TAF4: variants seen among roughly 807,000 people sequenced by gnomAD.
TAF4 encodes transcription initiation factor TFIID subunit 4.
A neutral mutation model predicts 90.3 loss-of-function variants in TAF4; 9 were observed. The ratio of observed to expected loss-of-function variants is 0.10; its 90% confidence interval spans 0.06 to 0.17. The LOEUF is 0.17. TAF4 is among the 10% of genes least tolerant of loss of function. TAF4 has a pLI of 1.00. For synonymous variants in TAF4, 818 were observed against 638.9 expected (o/e 1.28, Z -4.23); for missense variants, 1,351 against 1,370.7 (o/e 0.99, Z 0.23).
Position 62,064,813 on chromosome 20 carries a change from G to A in TAF4, c.998C>T (p.Ala333Val). Residue 333 changes from alanine to valine, a missense_variant, in exon 1 of 15, where the codon GCG becomes GTG. Physicochemically the swap from Ala to Val is moderately conservative, Grantham distance 64. Around this residue, in one of 9 missense-constraint regions of TAF4, gnomAD observed 782 missense variants for 536.6 expected, o/e 1.46. Transcript: ENST00000252996. Reference sequence around the variant, plus strand: ...CCCCGGCGCCGGCGCCGCAGCCGCCGCGCCGGGCCCGGGTTGGCCGCTGAC... The same window carrying A: ...CCCCGGCGCCGGCGCCGCAGCCGCCACGCCGGGCCCGGGTTGGCCGCTGAC... ...AGVSGQPGPG[A>V]AAAAPAPGVK... 3.0e-6 allele frequency: 3 copies of A among 987,184 alleles called. No individual in the cohort carries two copies. The highest frequency in any genetic ancestry group is 3.6e-6 in the Non-Finnish European group (3 of 833,422). The allele number at this position is 987,184 out of a possible 1,614,324, so 61.2% of individuals were successfully genotyped here.
chr20:62,006,638 T>G lies in TAF4; in HGVS notation c.2095A>C (p.Ser699Arg). ...CCGGCCGTGCGCTGGACCGAGCTAC[T>G]CAGCACCACGGCCGTGAGCGCAGTG... ...ATTALTAVVL[S>R]SSVQRTAGKT... The change falls in exon 7 of 15, where the codon AGT becomes CGT. Residue 699 changes from serine to arginine, a missense_variant. Coordinates refer to ENST00000252996, the MANE Select transcript of TAF4 (RefSeq NM_003185.4). This position sits in a 1 kb window ranked among gnomAD's most constrained non-coding sequence, Gnocchi z 7.0. The G allele has an allele frequency of 6.2e-7, 1 of 1,602,410 alleles. No individual in the cohort carries two copies. The highest frequency in any genetic ancestry group is 8.5e-7 in the Non-Finnish European group (1 of 1,173,356).
chr20:62,020,025 C>A (rs1398208545), intron 1 of TAF4, among the ~76,000 whole-genome samples: 1 of 152,176 alleles, frequency 6.6e-6, no homozygotes. Context: ...CTTGGCCCTG[C>A]ACCACCCGCC....
At chr20:62,040,026 C>T (rs1353832758) in intron 1 of TAF4, among the ~76,000 whole-genome samples, 1 of 152,238 alleles carries the variant, frequency 6.6e-6, no homozygotes, top group Non-Finnish European at 1.5e-5. Flanking sequence ...CCTTTATGCG[C>T]TGCTGGTGAG....
intron 1 of TAF4, among the ~76,000 whole-genome samples, chr20:62,040,501 A>G (rs996803315): frequency 2.6e-5 from 4 of 152,282 alleles, no homozygotes; most frequent in African/African-American, 9.6e-5. Flanking sequence ...ACGAGGCTAC[A>G]GAATGATTCC....
At chr20:62,034,482 C>T (rs755898097) in intron 1 of TAF4, among the ~76,000 whole-genome samples, 8 of 152,074 alleles carry the variant, frequency 5.3e-5, no homozygotes, top group Non-Finnish European at 1.2e-4. Context: ...CACCACCACA[C>T]CTGGCTAAAT....
intron 1 of TAF4, among the ~76,000 whole-genome samples, chr20:62,051,907 A>G (rs1043438781): frequency 2.0e-5 from 3 of 152,090 alleles, no homozygotes; most frequent in African/African-American, 4.8e-5. Context: ...TCCATTCTGG[A>G]TATCTGCCAC....
intron 1 of TAF4, among the ~76,000 whole-genome samples, chr20:62,027,139 G>A (rs540629176): frequency 6.6e-6 from 1 of 152,314 alleles, no homozygotes; most frequent in Admixed American, 6.5e-5. Flanking sequence ...AAATGCAGAG[G>A]CACTGCAAAA....
At chr20:62,059,232 G>A (rs1223075575) in intron 1 of TAF4, among the ~76,000 whole-genome samples, 1 of 152,186 alleles carries the variant, frequency 6.6e-6, no homozygotes, top group Non-Finnish European at 1.5e-5. Flanking sequence ...GGACCACCGC[G>A]GACTGACCAA....
At chr20:62,036,482 A>C (rs2055933392) in intron 1 of TAF4, among the ~76,000 whole-genome samples, 2 of 152,194 alleles carry the variant, frequency 1.3e-5, no homozygotes, top group African/African-American at 4.8e-5. Flanking sequence ...AACTAACATT[A>C]CTCATGCAGT....
At chr20:61,982,805 C>T (rs1024672995) in intron 14 of TAF4, among the ~76,000 whole-genome samples, 3 of 152,204 alleles carry the variant, frequency 2.0e-5, no homozygotes, top group Non-Finnish European at 4.4e-5. Flanking sequence ...TCAGAGCCGA[C>T]GGCAGGGCTG....
intron 1 of TAF4, among the ~76,000 whole-genome samples, chr20:62,017,582 G>A (rs2055819553): frequency 6.6e-6 from 1 of 152,252 alleles, no homozygotes; most frequent in East Asian, 1.9e-4. Context: ...GGGAGGCAGA[G>A]CTTGCAGTGA....
At position 62,065,175 on chromosome 20, in the gene TAF4, T is replaced by C; in HGVS notation, c.636A>G (p.Ala212=). 8.3e-7 allele frequency: 1 copy of C among 1,197,860 alleles called. No homozygotes were observed. The highest frequency in any genetic ancestry group is 1.1e-6 in the Non-Finnish European group (1 of 945,904). 74.2% of individuals were successfully genotyped at this position (1,197,860 alleles called of 1,614,324 possible). A position where few individuals can be genotyped will look rare whatever the true frequency, so the allele number is the denominator to read the frequency against. The stretch of plus-strand genomic sequence containing the variant: ...CGTTGTTGACCAGGCTGACAGCAGG[T>C]GCGGCGGCGTGGTGCGAGTTCAGCA... ...AALLNSHHAA[A]PAVSLVNNGP... is the part of the protein sequence containing the mutation. The change falls in exon 1 of 15, where the codon GCA becomes GCG. Residue 212 remains alanine, a synonymous_variant. Transcript: ENST00000252996.
intron 1 of TAF4, among the ~76,000 whole-genome samples, chr20:62,061,375 G>A (rs529781968): frequency 4.6e-5 from 7 of 152,168 alleles, no homozygotes; most frequent in Non-Finnish European, 8.8e-5. Flanking sequence ...GCAAGCACAC[G>A]CCCCCTAGGC....
At chr20:62,026,729 G>C (rs2055876839) in intron 1 of TAF4, among the ~76,000 whole-genome samples, 1 of 152,206 alleles carries the variant, frequency 6.6e-6, no homozygotes, top group Admixed American at 6.5e-5. Flanking sequence ...TGCTCCGCAG[G>C]CAGAAATGGG....
Position 62,065,230 on chromosome 20 carries a change from G to C in TAF4, c.581C>G (p.Ala194Gly). The C allele has an allele frequency of 8.9e-7, 1 of 1,126,696 alleles. No homozygotes were observed. Among genetic ancestry groups the C allele is most frequent in the Non-Finnish European group, 1.1e-6 (1 of 904,008 alleles). The allele number at this position is 1,126,696 out of a possible 1,614,324, so 69.8% of individuals were successfully genotyped here. ...PGPGKPAGPG[A>G]AQTLNGSAAL... ...GGCGCTCCCATTCAAAGTTTGCGCG[G>C]CGCCGGGGCCGGCGGGCTTGCCAGG... The change falls in exon 1 of 15, where the codon GCC becomes GGC. Residue 194 changes from alanine to glycine, a missense_variant. Ala to Gly is a moderately conservative substitution (Grantham distance 60, BLOSUM62 0). Around this residue, in one of 9 missense-constraint regions of TAF4, gnomAD observed 782 missense variants for 536.6 expected, o/e 1.46. Transcript: ENST00000252996.
chr20:61,982,378 G>A (rs1278400253), intron 14 of TAF4, among the ~76,000 whole-genome samples: 2 of 1,430 alleles, frequency 1.4e-3, no homozygotes. Flanking sequence ...TACCCACCCG[G>A]AAGAGACACC....
At chr20:61,986,509 C>CCAAAGGAAACACCATCCCCCAT (rs1568922528) in intron 14 of TAF4, among the ~76,000 whole-genome samples, 2 of 133,572 alleles carry the variant, frequency 1.5e-5, no homozygotes, top group Admixed American at 7.4e-5. Flanking sequence ...CCATTCCCAA[C>CCAAAGGAAACACCATCCCCCAT]CAAAGGAAAC....
intron 1 of TAF4, among the ~76,000 whole-genome samples, chr20:62,039,132 G>A (rs916164864): frequency 1.3e-5 from 2 of 152,192 alleles, no homozygotes; most frequent in African/African-American, 4.8e-5. Flanking sequence ...TGAAACACAT[G>A]AATGCAAACG....
intron 1 of TAF4, among the ~76,000 whole-genome samples, chr20:62,053,687 A>AT (rs1436572477): frequency 3.3e-5 from 5 of 152,230 alleles, no homozygotes; most frequent in Admixed American, 2.0e-4. Context: ...AACCAAACTC[A>AT]TCCCCCTGGC....
Sources: allele counts gnomAD v4.1 joint callset (sites outside exome capture counted in the v4.1 genomes callset), GRCh38; gene constraint gnomAD v4.1.1; regional missense constraint gnomAD v4.1.1; non-coding constraint Gnocchi (gnomAD v3.1); transcripts MANE v1.5; gene names NCBI Gene and HGNC (gene_info 2026-07-23, HGNC 2026-07-21).